Variants in ME3 observed in about 807,000 individuals in gnomAD.
ME3 encodes the protein NADP-dependent malic enzyme, mitochondrial.
ME3 carries 48 observed loss-of-function variants against 68.9 expected under a neutral mutation model. The ratio of observed to expected loss-of-function variants is 0.70; its 90% CI spans 0.55 to 0.89. The LOEUF is 0.89. Ranked by LOEUF, ME3 falls within the 40% of genes least tolerant of loss-of-function variation. ME3 has a pLI of 0.00. For synonymous variants in ME3, 320 were observed against 318.8 expected (o/e 1.00, Z -0.04); for missense variants, 675 against 797.4 (o/e 0.85, Z 1.85).
At chr11:86,468,346 C>G (rs1210784328) in intron 7 of ME3, among the ~76,000 whole-genome samples, 1 of 152,128 alleles carries the variant, frequency 6.6e-6, no homozygotes, top group Admixed American at 6.5e-5. Context: ...CATCATCCAT[C>G]CATCCATCCA....
chr11:86,583,260 A>G lies in ME3; in HGVS notation c.184-23437T>C, dbSNP rs184074447. Among the ~76,000 whole-genome samples, 14 of 152,304 alleles carry G rather than the reference A, an allele frequency of 9.2e-5. No individual in the cohort carries two copies. The East Asian group carries it at 2.7e-3, about 29-fold the overall frequency. On this transcript the variant is annotated intron_variant, in intron 2 of 14. Transcript: ENST00000543262. ...TGGAAAGAAAGATGATGAAGCCTAAATCTCACATTCCACTGGGGGAGTTGA... is the reference window on the plus strand; with the variant it reads ...TGGAAAGAAAGATGATGAAGCCTAAGTCTCACATTCCACTGGGGGAGTTGA...
At chr11:86,645,119 C>A (rs1198320523) in intron 2 of ME3, among the ~76,000 whole-genome samples, 1 of 152,192 alleles carries the variant, frequency 6.6e-6, no homozygotes, top group Non-Finnish European at 1.5e-5. Flanking sequence ...AGGTTTCAAG[C>A]ACAAAGCCAG....
intron 7 of ME3, among the ~76,000 whole-genome samples, chr11:86,483,854 C>G (rs78148276): frequency 0.054 from 8,266 of 152,280 alleles, 308 homozygotes; most frequent in Non-Finnish European, 0.084. Context: ...AACTCCCATC[C>G]TTGCTACTGT....
intron 5 of ME3, among the ~76,000 whole-genome samples, chr11:86,508,032 T>C (rs1008154427): frequency 5.9e-5 from 9 of 152,040 alleles, no homozygotes; most frequent in African/African-American, 2.2e-4. Flanking sequence ...TTGTTTGGTA[T>C]ACAGAAATGT....
At chr11:86,437,545 G>GATCA (rs59633420), downstream of ME3, among the ~76,000 whole-genome samples, 67,709 of 151,490 alleles carry the variant, frequency 0.45, 15,377 homozygotes, top group Middle Eastern at 0.5. Context: ...TCACTTTATA[G>GATCA]ATTTGAATAT....
In ME3 at chr11:86,649,168, A is replaced by T. The variant is rs552992814; in HGVS notation, c.183+22594T>A. On this transcript the variant is annotated intron_variant, in intron 2 of 14. Coordinates refer to ENST00000543262, the Ensembl canonical transcript of ME3. ...ATGCAAGGCTGGTTCAACATACACA[A>T]ATCAATAAAAGTTATTCATCACATA... is the stretch of plus-strand genomic sequence containing the variant. Among the ~76,000 whole-genome samples, 185 of 152,336 alleles carry T rather than the reference A, an allele frequency of 1.2e-3. 1 individual carries two copies. Among genetic ancestry groups the T allele is most frequent in the African/African-American group, 4.3e-3 (179 of 41,566 alleles).
intron 2 of ME3, among the ~76,000 whole-genome samples, chr11:86,637,357 A>AAG (rs904660979): frequency 6.6e-6 from 1 of 151,950 alleles, no homozygotes; most frequent in Non-Finnish European, 1.5e-5. Context: ...CACAAAAAAA[A>AAG]AAAAAAAAGC....
chr11:86,508,284 C>T lies in ME3; in HGVS notation c.543+508G>A, dbSNP rs1224465101. ...CACAGCCTACCCCTAAATTCAAGGC[C>T]CAGCTCCACTGTCACTTCCCCCAGG... On this transcript the variant is annotated intron_variant, in intron 5 of 14. Coordinates refer to ENST00000543262, the Ensembl canonical transcript of ME3. Among the ~76,000 whole-genome samples the T allele has an allele frequency of 2.0e-5, 3 of 152,132 alleles. No homozygotes were observed. In the East Asian group the frequency reaches 5.8e-4, roughly 29 times the overall value.
At chr11:86,499,473 A>G (rs1315968983) in intron 5 of ME3, among the ~76,000 whole-genome samples, 4 of 152,186 alleles carry the variant, frequency 2.6e-5, no homozygotes, top group Admixed American at 2.0e-4. Context: ...CTGATGGGCT[A>G]TGAACACCAT....
At chr11:86,507,733 A>G (rs1028570464) in intron 5 of ME3, among the ~76,000 whole-genome samples, 1 of 152,240 alleles carries the variant, frequency 6.6e-6, no homozygotes, top group African/African-American at 2.4e-5. Context: ...CTGTAATCCC[A>G]GAATTTTGGG....
chr11:86,492,403 A>G (rs556381830), intron 6 of ME3, among the ~76,000 whole-genome samples: 70 of 152,338 alleles, frequency 4.6e-4, no homozygotes, highest in African/African-American at 1.6e-3. Context: ...GAAGGTTGGA[A>G]AGAATAAATG....
intron 8 of ME3, among the ~76,000 whole-genome samples, chr11:86,463,354 C>T (rs984291652): frequency 3.3e-5 from 5 of 152,172 alleles, no homozygotes; most frequent in Admixed American, 6.5e-5. Flanking sequence ...GCTGGGGAGC[C>T]GGTCAGGCTC....
At chr11:86,655,214 C>T (rs1371472582) in intron 2 of ME3, among the ~76,000 whole-genome samples, 1 of 152,186 alleles carries the variant, frequency 6.6e-6, no homozygotes, top group Non-Finnish European at 1.5e-5. Flanking sequence ...ATCAAGCTAC[C>T]AATGACTTTC....
intron 8 of ME3, among the ~76,000 whole-genome samples, chr11:86,459,387 C>T (rs927341848): frequency 4.6e-5 from 7 of 152,102 alleles, no homozygotes; most frequent in South Asian, 4.1e-4. Flanking sequence ...TCTTCCCTCC[C>T]GTATCTGTGT....
intron 8 of ME3, among the ~76,000 whole-genome samples, chr11:86,452,450 A>G (rs1949688457): frequency 1.3e-5 from 2 of 152,214 alleles, no homozygotes; most frequent in Non-Finnish European, 2.9e-5. Context: ...GTAAATATTA[A>G]TAAATATATT....
chr11:86,668,097 G>A (rs1946691763), intron 2 of ME3: 1 of 151,956 alleles, frequency 6.6e-6, no homozygotes. Context: ...TCACCATCAG[G>A]AATATGCCTA....
At chr11:86,525,576 A>G (rs899855710) in intron 4 of ME3, among the ~76,000 whole-genome samples, 10 of 151,940 alleles carry the variant, frequency 6.6e-5, no homozygotes, top group African/African-American at 2.4e-4. Flanking sequence ...TTAAGAACAC[A>G]CAGAGGCCGG....
At chr11:86,508,452 A>G (rs1242778281) in intron 5 of ME3, among the ~76,000 whole-genome samples, 1 of 152,198 alleles carries the variant, frequency 6.6e-6, no homozygotes, top group East Asian at 1.9e-4. Context: ...TCCATATAAC[A>G]TGTCAGCTAC....
At chr11:86,614,019 C>A (rs1162162977) in intron 2 of ME3, among the ~76,000 whole-genome samples, 1 of 152,116 alleles carries the variant, frequency 6.6e-6, no homozygotes, top group African/African-American at 2.4e-5. Flanking sequence ...TCAAGACAAT[C>A]CTAAGCAAAA....
Sources: allele counts gnomAD v4.1 joint callset (sites outside exome capture counted in the v4.1 genomes callset), GRCh38; gene constraint gnomAD v4.1.1; transcripts MANE v1.5; gene names NCBI Gene and HGNC (gene_info 2026-07-23, HGNC 2026-07-21).